Variants in PTPRK observed in about 807,000 individuals in gnomAD.
The protein encoded by PTPRK is receptor-type tyrosine-protein phosphatase kappa.
A neutral mutation model predicts 178.0 loss-of-function variants in PTPRK; 75 were observed. The ratio of observed to expected loss-of-function variants is 0.42; its 90% confidence interval spans 0.35 to 0.51. The LOEUF is 0.51. Among genes scored for constraint, PTPRK ranks in the 20% least tolerant of loss-of-function variants. The probability of loss-of-function intolerance (pLI) is 0.02; values close to 1 mark genes in which losing one functional copy is unlikely to be tolerated. For missense variants in PTPRK, 1,441 were observed against 1,797.8 expected (o/e 0.80, Z 3.59); for synonymous variants, 637 against 620.6 (o/e 1.03, Z -0.39).
intron 13 of PTPRK, among the ~76,000 whole-genome samples, chr6:128,041,709 T>C (rs1260728650): frequency 1.3e-5 from 2 of 151,896 alleles, no homozygotes; most frequent in East Asian, 3.9e-4. Context: ...CCACTACATA[T>C]AGATGATAAT....
intron 2 of PTPRK, among the ~76,000 whole-genome samples, chr6:128,353,528 G>T (rs750899812): frequency 6.6e-6 from 1 of 152,112 alleles, no homozygotes; most frequent in African/African-American, 2.4e-5. Flanking sequence ...GCAGAATAAA[G>T]GAACTATTAA....
chr6:128,093,886 A>G lies in PTPRK; in HGVS notation c.1163-3894T>C, dbSNP rs957714524. On this transcript the variant is annotated intron_variant, in intron 7 of 29. Transcript: ENST00000368226. ...CAAAGATGTTAAGCTAAGAAAAAAA[A>G]TAAACAATATATTTACAAGTGGTAT... 9.9e-5 allele frequency among the ~76,000 whole-genome samples: 15 copies of G among 152,272 alleles called. No homozygotes were observed. The East Asian group carries it at 2.5e-3, about 25-fold the overall frequency.
chr6:128,314,295 T>A (rs1827694614), intron 3 of PTPRK, among the ~76,000 whole-genome samples: 1 of 152,194 alleles, frequency 6.6e-6, no homozygotes, highest in South Asian at 2.1e-4. Context: ...ACCCCTAGAG[T>A]AGAATTCCTG....
intron 6 of PTPRK, among the ~76,000 whole-genome samples, chr6:128,208,155 T>C (rs893570125): frequency 2.3e-4 from 35 of 152,132 alleles, no homozygotes; most frequent in Non-Finnish European, 4.4e-4. Context: ...AAATGCCAAA[T>C]TGAGTGGGGA....
At chr6:128,371,935 A>G (rs991326604) in intron 2 of PTPRK, among the ~76,000 whole-genome samples, 1 of 152,106 alleles carries the variant, frequency 6.6e-6, no homozygotes, top group African/African-American at 2.4e-5. Flanking sequence ...TTCATCACCA[A>G]TTTCTCAGCT....
chr6:128,202,604 A>G (rs1806170042), intron 6 of PTPRK, among the ~76,000 whole-genome samples: 1 of 152,066 alleles, frequency 6.6e-6, no homozygotes, highest in African/African-American at 2.4e-5. Flanking sequence ...CCAGCCAGAC[A>G]GTGCTGACAG....
At chr6:128,327,368 T>C (rs536865783) in intron 2 of PTPRK, among the ~76,000 whole-genome samples, 1 of 152,318 alleles carries the variant, frequency 6.6e-6, no homozygotes, top group East Asian at 1.9e-4. Context: ...ATCTGTTGAA[T>C]GTGCCCTATA....
intron 1 of PTPRK, among the ~76,000 whole-genome samples, chr6:128,488,557 C>T (rs186498872): frequency 1.2e-3 from 190 of 152,282 alleles, no homozygotes; most frequent in African/African-American, 4.3e-3. Context: ...ATAGAATACG[C>T]GATTTCTAAC....
At chr6:128,466,784 A>G (rs1399127799) in intron 1 of PTPRK, among the ~76,000 whole-genome samples, 1 of 152,192 alleles carries the variant, frequency 6.6e-6, no homozygotes, top group East Asian at 1.9e-4. Flanking sequence ...AATGCACACA[A>G]TATTTTTCAG....
At chr6:128,319,186 T>A (rs975755110) in intron 3 of PTPRK, among the ~76,000 whole-genome samples, 1 of 152,180 alleles carries the variant, frequency 6.6e-6, no homozygotes, top group African/African-American at 2.4e-5. Context: ...CTAGTCTCAT[T>A]TCTACTTGAA....
intron 6 of PTPRK, among the ~76,000 whole-genome samples, chr6:128,195,411 AC>A (rs1446902875): frequency 1.3e-5 from 2 of 151,956 alleles, no homozygotes; most frequent in African/African-American, 4.8e-5. Flanking sequence ...AATGACTCAG[AC>A]CTGCAATAAA....
chr6:128,414,419 T>C (rs1234200392), intron 1 of PTPRK, among the ~76,000 whole-genome samples: 1 of 152,206 alleles, frequency 6.6e-6, no homozygotes, highest in African/African-American at 2.4e-5. Context: ...TTATTCAAGT[T>C]GCCTCTGTCA....
chr6:128,326,106 G>C (rs1829520003), intron 2 of PTPRK, among the ~76,000 whole-genome samples: 1 of 152,018 alleles, frequency 6.6e-6, no homozygotes, highest in Non-Finnish European at 1.5e-5. Context: ...ACTCATAAGT[G>C]GGAACTGAAC....
intron 28 of PTPRK, among the ~76,000 whole-genome samples, 172 bp from the exon 29 acceptor site, chr6:127,973,329 A>G (rs980962776): frequency 6.6e-6 from 1 of 152,210 alleles, no homozygotes; most frequent in African/African-American, 2.4e-5. Flanking sequence ...TGAGGATGAA[A>G]TTAGATCAGT....
chr6:127,983,864 G>A (rs962557010), intron 22 of PTPRK, among the ~76,000 whole-genome samples: 2 of 151,986 alleles, frequency 1.3e-5, no homozygotes, highest in African/African-American at 4.8e-5. Flanking sequence ...AACTTTAAAC[G>A]GGAAATCTGA....
At position 128,076,307 on chromosome 6, in the gene PTPRK, AAGT is replaced by A. The variant is rs374887655; in HGVS notation, c.1883+2503_1883+2505del. ...CTACAGTTGCTGGTAGGGAGACTGA[AAGT>A]AGGAATGTGGTCAGAGGAAAGAAAG... On this transcript the variant is annotated intron_variant, in intron 11 of 29. Transcript: ENST00000368226. 3.9e-5 allele frequency among the ~76,000 whole-genome samples: 6 copies of A among 152,094 alleles called. No homozygotes were observed. In the South Asian group the frequency reaches 8.3e-4, roughly 21 times the overall value.
intron 1 of PTPRK, among the ~76,000 whole-genome samples, chr6:128,413,470 T>C (rs901505927): frequency 6.6e-6 from 1 of 152,164 alleles, no homozygotes; most frequent in Non-Finnish European, 1.5e-5. Flanking sequence ...AGGAATGTCC[T>C]CTAGAGTCTC....
At chr6:128,087,299 C>A (rs1786048575) in intron 8 of PTPRK, among the ~76,000 whole-genome samples, 1 of 152,016 alleles carries the variant, frequency 6.6e-6, no homozygotes, top group Non-Finnish European at 1.5e-5. Flanking sequence ...GTAACTGAGT[C>A]TACCATTACC....
intron 26 of PTPRK, 37 bp downstream of exon 26, chr6:127,976,886 G>A (rs764843502): frequency 5.6e-5 from 90 of 1,612,562 alleles, no homozygotes; most frequent in Non-Finnish European, 1.8e-5. Flanking sequence ...CTATTAAGTT[G>A]TATATAAGTA....
Sources: gnomAD v4.1 joint callset for allele counts (sites outside exome capture counted in the v4.1 genomes callset) on GRCh38, gnomAD v4.1.1 for gene constraint, MANE v1.5 for transcripts, NCBI Gene and HGNC (gene_info 2026-07-23, HGNC 2026-07-21) for gene names.